The following SUCLG2 variants were observed in gnomAD, a reference collection of about 807,000 sequenced individuals.
SUCLG2 encodes the protein succinate-CoA ligase GDP-forming subunit beta, also known as succinate--CoA ligase [GDP-forming] subunit beta, mitochondrial.
Under a neutral mutation model 47.9 loss-of-function variants are expected in SUCLG2, and 42 were observed. The observed-to-expected ratio is 0.88, with a 90% CI of 0.69 to 1.14. The LOEUF (loss-of-function observed/expected upper bound fraction) is 1.14, where lower values mean the gene tolerates loss of function less well. Among genes scored for constraint, SUCLG2 ranks in the 50% most tolerant of loss-of-function variants. The pLI is 0.00. For synonymous variants in SUCLG2, 195 were observed against 197.3 expected, an observed-to-expected ratio of 0.99 and a Z score of 0.10; for missense variants, 571 against 525.9, an observed-to-expected ratio of 1.09 and a Z score of -0.84.
chr3:67,647,273 T>A (rs1285629392), intron 1 of SUCLG2, among the ~76,000 whole-genome samples: 1 of 152,200 alleles, frequency 6.6e-6, no homozygotes, highest in East Asian at 1.9e-4. Context: ...AATTTTAAAA[T>A]AAAAATAAAA....
intron 9 of SUCLG2, among the ~76,000 whole-genome samples, chr3:67,478,801 T>C (rs1704835136): frequency 6.6e-6 from 1 of 152,220 alleles, no homozygotes; most frequent in African/African-American, 2.4e-5. Context: ...GAGCTCTACA[T>C]ACCCTCATCG....
chr3:67,578,924 G>T (rs927364826), intron 2 of SUCLG2, among the ~76,000 whole-genome samples: 20 of 152,204 alleles, frequency 1.3e-4, no homozygotes, highest in Admixed American at 9.8e-4. Context: ...AGGTTGGGGT[G>T]ACCTGGCACC....
At chr3:67,423,836 G>GT (rs1422378815) in intron 9 of SUCLG2, among the ~76,000 whole-genome samples, 1 of 152,134 alleles carries the variant, frequency 6.6e-6, no homozygotes, top group African/African-American at 2.4e-5. Context: ...AAACAGTGAG[G>GT]TATCTTACTA....
At chr3:67,537,084 T>C (rs1390433771) in intron 2 of SUCLG2, among the ~76,000 whole-genome samples, 3 of 152,238 alleles carry the variant, frequency 2.0e-5, no homozygotes, top group Non-Finnish European at 4.4e-5. Flanking sequence ...GGGATATATA[T>C]GCAGAGCCTG....
intron 6 of SUCLG2, among the ~76,000 whole-genome samples, chr3:67,509,304 G>T (rs1462233156): frequency 6.6e-6 from 1 of 152,172 alleles, no homozygotes; most frequent in South Asian, 2.1e-4. Context: ...TTATTGTGCT[G>T]AAATAAAACA....
At chr3:67,557,431 A>T (rs1227071624) in intron 2 of SUCLG2, among the ~76,000 whole-genome samples, 1 of 152,204 alleles carries the variant, frequency 6.6e-6, no homozygotes, top group East Asian at 1.9e-4. Context: ...TAAAACAGCC[A>T]GTGCCCTCAC....
intron 2 of SUCLG2, among the ~76,000 whole-genome samples, chr3:67,590,137 G>T (rs1407691069): frequency 1.3e-5 from 2 of 152,086 alleles, no homozygotes; most frequent in African/African-American, 2.4e-5. Flanking sequence ...CACTGAGTCT[G>T]TTTCCTCATT....
At chr3:67,440,364 A>C (rs555518682) in intron 9 of SUCLG2, among the ~76,000 whole-genome samples, 1 of 152,238 alleles carries the variant, frequency 6.6e-6, no homozygotes, top group African/African-American at 2.4e-5. Flanking sequence ...TGGCAACAAA[A>C]GCCAAAATTG....
At chr3:67,525,858 G>A (rs1035170539) in intron 4 of SUCLG2, among the ~76,000 whole-genome samples, 2 of 152,190 alleles carry the variant, frequency 1.3e-5, no homozygotes, top group African/African-American at 4.8e-5. Flanking sequence ...GTTATATAGT[G>A]TAACAGATAA....
At chr3:67,639,876 T>C (rs1701070076) in intron 1 of SUCLG2, among the ~76,000 whole-genome samples, 1 of 152,194 alleles carries the variant, frequency 6.6e-6, no homozygotes, top group Non-Finnish European at 1.5e-5. Flanking sequence ...TGGTCCAAGG[T>C]TCCCCAAACA....
intron 1 of SUCLG2, among the ~76,000 whole-genome samples, chr3:67,624,317 T>C (rs574050960): frequency 8.5e-5 from 13 of 152,348 alleles, no homozygotes; most frequent in South Asian, 2.1e-4. Flanking sequence ...TCTGACATTT[T>C]GAATGTTCTC....
intron 9 of SUCLG2, among the ~76,000 whole-genome samples, chr3:67,455,856 G>A (rs1320235577): frequency 6.6e-6 from 1 of 152,136 alleles, no homozygotes; most frequent in African/African-American, 2.4e-5. Context: ...AATATTCCAG[G>A]TCTTTACCTC....
At chr3:67,408,538 C>G (rs1172912042) in intron 9 of SUCLG2, 2 of 796,048 alleles carry the variant, frequency 2.5e-6, no homozygotes, top group African/African-American at 1.9e-5. Flanking sequence ...CCTCTGGGGA[C>G]AGTAACTTGA....
chr3:67,642,673 T>A (rs1701121563), intron 1 of SUCLG2, among the ~76,000 whole-genome samples: 1 of 152,168 alleles, frequency 6.6e-6, no homozygotes, highest in South Asian at 2.1e-4. Context: ...AATGCCTTCC[T>A]CCTAGGGCTG....
intron 2 of SUCLG2, among the ~76,000 whole-genome samples, chr3:67,562,867 G>A (rs1405932259): frequency 6.6e-6 from 1 of 151,928 alleles, no homozygotes; most frequent in Non-Finnish European, 1.5e-5. Context: ...AGGCTAAAAA[G>A]TCTTGCAAAC....
chr3:67,505,834 C>A (rs562827003), intron 7 of SUCLG2, among the ~76,000 whole-genome samples: 1 of 151,892 alleles, frequency 6.6e-6, no homozygotes, highest in South Asian at 2.1e-4. Flanking sequence ...CGGTGGTGGG[C>A]GCCTGTAATC....
intron 7 of SUCLG2, 29 bp downstream of exon 7, chr3:67,508,778 T>G: frequency 6.6e-7 from 1 of 1,503,808 alleles, no homozygotes. Context: ...ATACATTCAT[T>G]TGTTTTCTCA....
At chr3:67,468,457 A>G (rs9851569) in intron 9 of SUCLG2, among the ~76,000 whole-genome samples, 120,291 of 152,116 alleles carry the variant, frequency 0.79, 47,929 homozygotes, top group Admixed American at 0.85. Context: ...GATGGCAGAA[A>G]TGGCACACTG....
intron 2 of SUCLG2, among the ~76,000 whole-genome samples, chr3:67,556,030 TG>T (rs1254684353): frequency 6.6e-6 from 1 of 152,182 alleles, no homozygotes; most frequent in Non-Finnish European, 1.5e-5. Flanking sequence ...ATTCTGGCCA[TG>T]TGGAGACACT....
Sources: gnomAD v4.1 joint callset for allele counts (sites outside exome capture counted in the v4.1 genomes callset) on GRCh38, gnomAD v4.1.1 for gene constraint, MANE v1.5 for transcripts, NCBI Gene and HGNC (gene_info 2026-07-23, HGNC 2026-07-21) for gene names.